FBXL20: variants seen among roughly 807,000 people sequenced by gnomAD.
FBXL20 encodes F-box/LRR-repeat protein 20.
In FBXL20, 11 loss-of-function variants were observed where a neutral mutation model predicts 64.0. That is an observed-to-expected ratio of 0.17 (90% CI 0.11 to 0.28). FBXL20 has a LOEUF of 0.28. Among genes scored for constraint, FBXL20 ranks in the 10% least tolerant of loss-of-function variants. The pLI is 1.00. For synonymous variants in FBXL20, 184 were observed against 189.0 expected, an observed-to-expected ratio of 0.97 and a Z score of 0.22; for missense variants, 303 against 526.2, an observed-to-expected ratio of 0.58 and a Z score of 4.15.
At chr17:39,294,740 G>C (rs187899938) in intron 6 of FBXL20, among the ~76,000 whole-genome samples, 2 of 152,046 alleles carry the variant, frequency 1.3e-5, no homozygotes, top group Admixed American at 6.6e-5. Flanking sequence ...GGCCAGACAC[G>C]GTGGCTCACG....
chr17:39,274,959 G>T lies in FBXL20; in HGVS notation c.827+11C>A, dbSNP rs755161653. ...TCTATGATTTTTTTGAGCTAAACAA[G>T]AAATGTTTACCTAAGCCGTGGGCAG... is the stretch of plus-strand genomic sequence containing the variant. On this transcript the variant is annotated intron_variant, in intron 10 of 14. Coordinates refer to ENST00000264658, the MANE Select transcript of FBXL20 (RefSeq NM_032875.3). 9 of 1,610,634 alleles carry T rather than the reference G, an allele frequency of 5.6e-6. No individual in the cohort carries two copies. Among genetic ancestry groups the T allele is most frequent in the Non-Finnish European group, 7.6e-6 (9 of 1,179,142 alleles).
At chr17:39,373,148 C>A (rs756979484) in intron 1 of FBXL20, among the ~76,000 whole-genome samples, 7 of 151,976 alleles carry the variant, frequency 4.6e-5, no homozygotes, top group Non-Finnish European at 8.8e-5. Flanking sequence ...CTTTTCTGAC[C>A]CCCTTTGTAG....
At chr17:39,388,703 C>T (rs936000825) in intron 1 of FBXL20, among the ~76,000 whole-genome samples, 2 of 150,872 alleles carry the variant, frequency 1.3e-5, no homozygotes, top group African/African-American at 4.8e-5. Flanking sequence ...AGGATGGTCT[C>T]GATCTCTTGA....
At chr17:39,370,935 C>T (rs1252140312) in intron 1 of FBXL20, among the ~76,000 whole-genome samples, 2 of 151,826 alleles carry the variant, frequency 1.3e-5, no homozygotes. Flanking sequence ...AGAGTTTTGT[C>T]AGACCGAGGG....
chr17:39,390,814 C>G (rs2048126829), intron 1 of FBXL20, among the ~76,000 whole-genome samples: 1 of 152,042 alleles, frequency 6.6e-6, no homozygotes, highest in Admixed American at 6.6e-5. Flanking sequence ...TTTTGGAGGC[C>G]AAGGCAGGTG....
intron 2 of FBXL20, among the ~76,000 whole-genome samples, chr17:39,318,947 G>A (rs2047322743): frequency 6.6e-6 from 1 of 151,612 alleles, no homozygotes; most frequent in African/African-American, 2.4e-5. Context: ...TTTATTACAA[G>A]ACAATATTAA....
intron 14 of FBXL20, among the ~76,000 whole-genome samples, chr17:39,263,325 G>A (rs2046764227): frequency 1.3e-5 from 2 of 152,134 alleles, no homozygotes; most frequent in Non-Finnish European, 2.9e-5. Context: ...AACCGGCCTG[G>A]GCAACATGGT....
At chr17:39,273,762 G>A (rs992931648) in intron 10 of FBXL20, among the ~76,000 whole-genome samples, 5 of 150,742 alleles carry the variant, frequency 3.3e-5, no homozygotes, top group African/African-American at 1.2e-4. Flanking sequence ...GGAGGTTGCA[G>A]TGAGCCGAGA....
At chr17:39,343,932 C>T (rs1343402002) in intron 1 of FBXL20, among the ~76,000 whole-genome samples, 7 of 151,882 alleles carry the variant, frequency 4.6e-5, no homozygotes, top group Non-Finnish European at 7.4e-5. Flanking sequence ...GGTGCGATCT[C>T]GGCTCACCAC....
chr17:39,266,978 C>T (rs1183329231), intron 12 of FBXL20, among the ~76,000 whole-genome samples: 2 of 151,564 alleles, frequency 1.3e-5, no homozygotes, highest in South Asian at 2.1e-4. Flanking sequence ...CAGGGCCAGA[C>T]ATGGTAGTTC....
rs548264134 is a variant in FBXL20, at chr17:39,277,599, A to G, written c.697-2499T>C. Among the ~76,000 whole-genome samples, 4 of 152,074 alleles carry G rather than the reference A, an allele frequency of 2.6e-5. No homozygotes were observed. The East Asian group carries it at 7.7e-4, about 29-fold the overall frequency. ...GAAACCCCGTTTCTACTAAAGATACATAAAATTAGCCAGACATGGTGTCAC... is the reference window on the plus strand; with the variant it reads ...GAAACCCCGTTTCTACTAAAGATACGTAAAATTAGCCAGACATGGTGTCAC... On this transcript the variant is annotated intron_variant, in intron 9 of 14. Coordinates refer to ENST00000264658, the MANE Select transcript of FBXL20 (RefSeq NM_032875.3).
chr17:39,306,915 T>C (rs1432304485), intron 2 of FBXL20, among the ~76,000 whole-genome samples: 2 of 152,184 alleles, frequency 1.3e-5, no homozygotes, highest in African/African-American at 4.8e-5. Context: ...CTGATCTATA[T>C]CCTGCAATCT....
At position 39,275,124 on chromosome 17, in the gene FBXL20, C is replaced by T. The variant is rs757485686; in HGVS notation, c.697-24G>A. 1.8e-5 allele frequency: 29 copies of T among 1,593,614 alleles called. No individual in the cohort carries two copies. The Admixed American group carries it at 5.1e-4, about 28-fold the overall frequency. ...TGCTAAAAAACAAGAGCAAAAAAATCCATAGATATTAGTATCTTAGCAAAA... is the reference window on the plus strand; with the variant it reads ...TGCTAAAAAACAAGAGCAAAAAAATTCATAGATATTAGTATCTTAGCAAAA... On this transcript the variant is annotated intron_variant, in intron 9 of 14. Coordinates refer to ENST00000264658, the MANE Select transcript of FBXL20 (RefSeq NM_032875.3).
intron 1 of FBXL20, among the ~76,000 whole-genome samples, chr17:39,373,265 T>C (rs2047935729): frequency 6.6e-6 from 1 of 152,156 alleles, no homozygotes; most frequent in Non-Finnish European, 1.5e-5. Flanking sequence ...TAACTTATCT[T>C]TTAATCTTAT....
chr17:39,271,121 TGCCAAAAC>T (rs1357897301), intron 10 of FBXL20, among the ~76,000 whole-genome samples: 2 of 152,166 alleles, frequency 1.3e-5, no homozygotes, highest in Non-Finnish European at 2.9e-5. Context: ...TTGTAGTTAA[TGCCAAAAC>T]GCATGAAATG....
At chr17:39,356,214 C>CA (rs56838813) in intron 1 of FBXL20, among the ~76,000 whole-genome samples, 3,848 of 74,696 alleles carry the variant, frequency 0.052, 188 homozygotes, top group East Asian at 0.16. Flanking sequence ...GACTCCATCT[C>CA]AAAAAAAAAA....
At chr17:39,306,950 G>C (rs1476573763) in intron 2 of FBXL20, among the ~76,000 whole-genome samples, 2 of 152,160 alleles carry the variant, frequency 1.3e-5, no homozygotes, top group African/African-American at 4.8e-5. Flanking sequence ...CAAGGGACAG[G>C]AAAATCCCTG....
At chr17:39,321,526 C>G (rs1214179157) in intron 2 of FBXL20, among the ~76,000 whole-genome samples, 1 of 149,676 alleles carries the variant, frequency 6.7e-6, no homozygotes, top group African/African-American at 2.5e-5. Context: ...GCCTGTAATC[C>G]CAACATTCTG....
At chr17:39,311,590 C>A (rs1438868983) in intron 2 of FBXL20, among the ~76,000 whole-genome samples, 1 of 152,120 alleles carries the variant, frequency 6.6e-6, no homozygotes, top group Non-Finnish European at 1.5e-5. Context: ...CAACTCCACT[C>A]CCAAATAAAC....
Sources: gnomAD v4.1 joint callset for allele counts (sites outside exome capture counted in the v4.1 genomes callset) on GRCh38, gnomAD v4.1.1 for gene constraint, MANE v1.5 for transcripts, NCBI Gene and HGNC (gene_info 2026-07-23, HGNC 2026-07-21) for gene names.